Variants in CNST observed in about 807,000 individuals in gnomAD.
CNST encodes the protein consortin.
In CNST, 39 loss-of-function variants were observed where a neutral mutation model predicts 72.4. That is an observed-to-expected ratio of 0.54 (90% CI 0.42 to 0.70). CNST has a LOEUF of 0.70. Ranked by LOEUF, CNST falls within the 30% of genes least tolerant of loss-of-function variation. The pLI is 0.00. For synonymous variants in CNST, 332 were observed against 320.1 expected (o/e 1.04, Z -0.40); for missense variants, 871 against 868.5 (o/e 1.00, Z -0.04).
At chr1:246,577,834 T>G (rs1403605011) in intron 1 of CNST, among the ~76,000 whole-genome samples, 5 of 152,104 alleles carry the variant, frequency 3.3e-5, no homozygotes, top group African/African-American at 1.2e-4. Context: ...CTCACACCTA[T>G]CATTTCTTTG....
intron 9 of CNST, among the ~76,000 whole-genome samples, chr1:246,650,021 C>T (rs1362088553): frequency 6.6e-6 from 1 of 152,038 alleles, no homozygotes; most frequent in Non-Finnish European, 1.5e-5. Context: ...AATTGATCAA[C>T]ATCCCTTTCC....
chr1:246,642,342 C>A (rs1050653374), intron 8 of CNST, among the ~76,000 whole-genome samples: 6 of 151,942 alleles, frequency 3.9e-5, no homozygotes, highest in Admixed American at 1.3e-4. Context: ...AAAGGTTGTA[C>A]AAAATGCTCT....
intron 3 of CNST, among the ~76,000 whole-genome samples, chr1:246,626,451 CT>C (rs74163468): frequency 0.014 from 1,129 of 79,770 alleles, 2 homozygotes; most frequent in African/African-American, 0.018. Context: ...TAGGTTTGTC[CT>C]TTTTTTTTTT....
At chr1:246,618,068 A>T (rs951554441) in intron 2 of CNST, among the ~76,000 whole-genome samples, 4 of 152,186 alleles carry the variant, frequency 2.6e-5, no homozygotes, top group African/African-American at 7.2e-5. Flanking sequence ...TGGTTTTAAA[A>T]ATACACCCAG....
chr1:246,644,153 C>T (rs1665892319), intron 8 of CNST, among the ~76,000 whole-genome samples: 1 of 152,150 alleles, frequency 6.6e-6, no homozygotes, highest in South Asian at 2.1e-4. Flanking sequence ...GTAATCCCAG[C>T]ACTTTGGGAG....
intron 2 of CNST, among the ~76,000 whole-genome samples, chr1:246,605,371 T>G (rs1205341026): frequency 6.6e-6 from 1 of 152,110 alleles, no homozygotes; most frequent in African/African-American, 2.4e-5. Flanking sequence ...AGTCCATGAG[T>G]TAAAGAACAG....
intron 2 of CNST, among the ~76,000 whole-genome samples, chr1:246,617,867 T>G (rs1344554058): frequency 6.6e-6 from 1 of 152,240 alleles, no homozygotes; most frequent in Non-Finnish European, 1.5e-5. Flanking sequence ...TCATAACATG[T>G]ATAACAATTG....
chr1:246,584,719 C>G (rs1427362443), intron 1 of CNST, among the ~76,000 whole-genome samples: 1 of 152,134 alleles, frequency 6.6e-6, no homozygotes, highest in East Asian at 1.9e-4. Flanking sequence ...GCTGCCAGGA[C>G]AGTTACTGTT....
In CNST at chr1:246,665,833, C is replaced by T; in HGVS notation, c.2106C>T (p.Asp702=). 1 of 1,613,996 alleles carries T rather than the reference C, an allele frequency of 6.2e-7. No homozygotes were observed. Among genetic ancestry groups the T allele is most frequent in the Non-Finnish European group, 8.5e-7 (1 of 1,179,922 alleles). The change falls in exon 11 of 11, where the codon GAC becomes GAT. Residue 702 remains aspartate (D), a synonymous_variant. Coordinates refer to ENST00000366513, the MANE Select transcript of CNST (RefSeq NM_152609.3). ...MESPVCTDFA[D]NMDFYYTKLL... is the part of the protein sequence containing the mutation. Reference sequence around the variant, plus strand: ...CACCTGTTTGTACTGACTTTGCAGACAACATGGACTTCTATTACACTAAGT... The same window carrying T: ...CACCTGTTTGTACTGACTTTGCAGATAACATGGACTTCTATTACACTAAGT...
At chr1:246,654,304 C>A (rs1350644543) in intron 9 of CNST, among the ~76,000 whole-genome samples, 1 of 152,182 alleles carries the variant, frequency 6.6e-6, no homozygotes, top group Non-Finnish European at 1.5e-5. Flanking sequence ...GGTGAGCAAC[C>A]TTCTTTCCAC....
chr1:246,566,729 G>A (rs1659711094), intron 1 of CNST, 66 bp downstream of exon 1: 2 of 400,174 alleles, frequency 5.0e-6, no homozygotes, highest in Non-Finnish European at 8.8e-6. Flanking sequence ...AAGCCTTTCG[G>A]AAGCCTCTCG....
At chr1:246,648,305 A>G (rs1666246740) in intron 9 of CNST, 1 of 958,742 alleles carries the variant, frequency 1.0e-6, no homozygotes, top group Non-Finnish European at 1.3e-6. Context: ...CATTTTTTAT[A>G]GTCCTGACTG....
At chr1:246,652,776 G>C (rs932272297) in intron 9 of CNST, among the ~76,000 whole-genome samples, 1 of 115,886 alleles carries the variant, frequency 8.6e-6, no homozygotes, top group South Asian at 3.1e-4. Context: ...AGGCCAAGGC[G>C]GGCGGATCAC....
At position 246,641,775 on chromosome 1, in the gene CNST, G is replaced by A; in HGVS notation, c.840+5G>A. 7.4e-7 allele frequency: 1 copy of A among 1,345,350 alleles called. No homozygotes were observed. The highest frequency in any genetic ancestry group is 1.1e-6 in the Non-Finnish European group (1 of 947,590). 83.3% of individuals were successfully genotyped at this position (1,345,350 alleles called of 1,614,324 possible). On this transcript the variant is annotated splice_donor_5th_base_variant and intron_variant, in intron 7 of 10. Transcript: ENST00000366513. ...CCTCTTTTATCCAAACATAAGGTAA[G>A]AGATTGTTTCTTTTGAATATATTTC... is the stretch of plus-strand genomic sequence containing the variant.
intron 2 of CNST, chr1:246,606,756 T>C (rs1020214109): frequency 6.6e-6 from 1 of 152,024 alleles, no homozygotes; most frequent in African/African-American, 2.4e-5. Flanking sequence ...ACCGTTTTTC[T>C]CTGGTTATCA....
At chr1:246,635,944 G>C (rs927706675) in intron 6 of CNST, among the ~76,000 whole-genome samples, 5 of 152,198 alleles carry the variant, frequency 3.3e-5, no homozygotes, top group African/African-American at 9.6e-5. Context: ...AACGAATCCA[G>C]GTTGAATTGT....
rs555643754 is a variant in CNST at position 246,602,714 on chromosome 1, C to CAT, written c.379+10774_379+10775dup. 3.9e-5 allele frequency among the ~76,000 whole-genome samples: 6 copies of CAT among 152,240 alleles called. No homozygotes were observed. In the South Asian group the frequency reaches 1.2e-3, roughly 32 times the overall value. On this transcript the variant is annotated intron_variant, in intron 2 of 10. Transcript: ENST00000366513. ...CCAAGAGGCAGGAATCACGGGGGCC[C>CAT]ATCTTAAAGGATGCCAGGAGAAAGT...
chr1:246,608,585 C>T (rs1663083690), intron 2 of CNST, among the ~76,000 whole-genome samples: 1 of 152,174 alleles, frequency 6.6e-6, no homozygotes, highest in African/African-American at 2.4e-5. Context: ...CTGAAGCAGG[C>T]TCTAGACAGT....
At chr1:246,656,934 A>C (rs939349961) in intron 9 of CNST, among the ~76,000 whole-genome samples, 3 of 152,204 alleles carry the variant, frequency 2.0e-5, no homozygotes, top group Non-Finnish European at 4.4e-5. Context: ...TCTCTCAAAA[A>C]AAACAGACAA....
Sources: gnomAD v4.1 joint callset for allele counts (sites outside exome capture counted in the v4.1 genomes callset) on GRCh38, gnomAD v4.1.1 for gene constraint, MANE v1.5 for transcripts, NCBI Gene and HGNC (gene_info 2026-07-23, HGNC 2026-07-21) for gene names.